The following EDIL3 variants were observed in gnomAD, a reference collection of about 807,000 sequenced individuals.
EDIL3 encodes EGF like and discoidin domains 3.
Under a neutral mutation model 67.4 loss-of-function variants are expected in EDIL3, and 37 were observed. The ratio of observed to expected loss-of-function variants is 0.55; its 90% CI spans 0.42 to 0.72. The LOEUF (loss-of-function observed/expected upper bound fraction) is 0.72. Among genes scored for constraint, EDIL3 ranks in the 30% least tolerant of loss-of-function variants. The pLI, the probability that EDIL3 is intolerant of heterozygous loss-of-function variation, is 0.00. For missense variants in EDIL3, 527 were observed against 586.3 expected (o/e 0.90, Z 1.04); for synonymous variants, 195 against 196.3 (o/e 0.99, Z 0.05).
intron 6 of EDIL3, among the ~76,000 whole-genome samples, chr5:84,099,729 TG>T (rs1373176092): frequency 1.3e-5 from 2 of 151,812 alleles, no homozygotes; most frequent in Non-Finnish European, 2.9e-5. Context: ...AATTGACAAA[TG>T]GGATCTAATT....
chr5:84,358,592 CTTTTTTT>C (rs756013675), intron 1 of EDIL3, among the ~76,000 whole-genome samples: 3 of 94,566 alleles, frequency 3.2e-5, no homozygotes, highest in Admixed American at 1.1e-4. Flanking sequence ...CATTTTTATC[CTTTTTTT>C]TTTTTTTTTT....
intron 9 of EDIL3, among the ~76,000 whole-genome samples, chr5:84,037,988 G>GTTTTTTTTTTTTTTTTTTTTTTTTTTT (rs67762520): frequency 1.2e-4 from 12 of 99,740 alleles, no homozygotes; most frequent in Non-Finnish European, 1.5e-4. Flanking sequence ...TTTCTTTCTT[G>GTTTTTTTTTTTTTTTTTTTTTTTTTTT]TTTTTTTTTT....
Position 83,961,065 on chromosome 5 carries a change from A to T in EDIL3, c.1293+2140T>A, listed in dbSNP as rs369822653. Among the ~76,000 whole-genome samples the T allele has an allele frequency of 2.0e-4, 30 of 151,214 alleles. No homozygotes were observed. In the South Asian group the frequency reaches 5.6e-3, roughly 28 times the overall value. On this transcript the variant is annotated intron_variant, in intron 10 of 10. Transcript: ENST00000296591. ...GTAGCATTCATAAAAAGAAAGCTGG[A>T]GTTAATCGATATCTATTAATATCAC...
intron 6 of EDIL3, among the ~76,000 whole-genome samples, chr5:84,067,383 G>T (rs896909598): frequency 2.6e-5 from 4 of 151,996 alleles, no homozygotes; most frequent in Non-Finnish European, 5.9e-5. Context: ...TAAATCAAAT[G>T]CTACAATGTA....
chr5:84,253,584 C>T (rs1176245341), intron 2 of EDIL3, among the ~76,000 whole-genome samples: 1 of 152,024 alleles, frequency 6.6e-6, no homozygotes, highest in African/African-American at 2.4e-5. Flanking sequence ...TTTTAGAAAA[C>T]TTTGAAGAGC....
At chr5:84,210,293 T>C (rs909603250) in intron 3 of EDIL3, among the ~76,000 whole-genome samples, 2 of 152,106 alleles carry the variant, frequency 1.3e-5, no homozygotes, top group African/African-American at 2.4e-5. Flanking sequence ...AAGGTTTAAT[T>C]TTACGTTTTG....
chr5:84,226,984 T>C (rs1181135487), intron 3 of EDIL3, among the ~76,000 whole-genome samples: 2 of 151,964 alleles, frequency 1.3e-5, no homozygotes, highest in Non-Finnish European at 2.9e-5. Flanking sequence ...AAATATAGCA[T>C]ACACTGGGTT....
At chr5:84,291,283 C>T (rs1184014856) in intron 1 of EDIL3, among the ~76,000 whole-genome samples, 1 of 152,100 alleles carries the variant, frequency 6.6e-6, no homozygotes, top group Admixed American at 6.6e-5. Flanking sequence ...GATATTAGGA[C>T]ATTTAATTTT....
chr5:84,055,624 C>G (rs546784118), intron 9 of EDIL3, among the ~76,000 whole-genome samples: 2 of 152,010 alleles, frequency 1.3e-5, no homozygotes, highest in Non-Finnish European at 2.9e-5. Context: ...AAAAAACAAA[C>G]AACCCCATCA....
chr5:84,196,227 T>C (rs1743700930), intron 3 of EDIL3, among the ~76,000 whole-genome samples: 1 of 152,006 alleles, frequency 6.6e-6, no homozygotes, highest in African/African-American at 2.4e-5. Context: ...TCCACAGTCC[T>C]TGTTGCTATG....
chr5:84,361,409 T>C (rs1286518553), intron 1 of EDIL3, among the ~76,000 whole-genome samples: 1 of 152,028 alleles, frequency 6.6e-6, no homozygotes, highest in East Asian at 1.9e-4. Flanking sequence ...CTATCAATAT[T>C]TTTATAAATA....
At chr5:84,255,744 T>G (rs1745111255) in intron 1 of EDIL3, among the ~76,000 whole-genome samples, 1 of 152,160 alleles carries the variant, frequency 6.6e-6, no homozygotes, top group Non-Finnish European at 1.5e-5. Flanking sequence ...ACCAAGTCAT[T>G]AGCCACACTA....
At chr5:84,117,251 C>T (rs369450896) in intron 5 of EDIL3, among the ~76,000 whole-genome samples, 25 of 151,784 alleles carry the variant, frequency 1.6e-4, no homozygotes, top group Non-Finnish European at 2.9e-4. Context: ...AGGATGGTCT[C>T]GATCTCCTGA....
intron 6 of EDIL3, among the ~76,000 whole-genome samples, chr5:84,068,750 A>C (rs1334915236): frequency 6.6e-6 from 1 of 152,174 alleles, no homozygotes; most frequent in African/African-American, 2.4e-5. Context: ...TTTAGTAATT[A>C]CAGGTTTTAA....
chr5:84,050,585 G>A (rs1373932728), intron 9 of EDIL3, among the ~76,000 whole-genome samples: 3 of 152,186 alleles, frequency 2.0e-5, no homozygotes, highest in Non-Finnish European at 4.4e-5. Flanking sequence ...TGTGACAGAC[G>A]GCACCTGGAA....
intron 4 of EDIL3, among the ~76,000 whole-genome samples, chr5:84,137,721 TC>T (rs903735911): frequency 9.1e-4 from 139 of 152,234 alleles, no homozygotes; most frequent in African/African-American, 3.1e-3. Flanking sequence ...TCGAGAAACC[TC>T]CCCTGCAGCA....
At chr5:84,233,735 GA>G (rs1024360739) in intron 2 of EDIL3, among the ~76,000 whole-genome samples, 2 of 151,552 alleles carry the variant, frequency 1.3e-5, no homozygotes, top group East Asian at 3.9e-4. Flanking sequence ...GAGGCTCTTG[GA>G]AAAAAAAGGC....
intron 1 of EDIL3, among the ~76,000 whole-genome samples, chr5:84,314,512 G>A (rs1746470344): frequency 6.6e-6 from 1 of 152,104 alleles, no homozygotes; most frequent in African/African-American, 2.4e-5. Flanking sequence ...TATTAATATA[G>A]ATGTACAGAA....
chr5:84,256,401 C>G (rs1745124964), intron 1 of EDIL3, among the ~76,000 whole-genome samples: 1 of 152,148 alleles, frequency 6.6e-6, no homozygotes, highest in Non-Finnish European at 1.5e-5. Context: ...ATGATCCAAA[C>G]TGTGGGACCA....
Sources: allele counts gnomAD v4.1 joint callset (sites outside exome capture counted in the v4.1 genomes callset), GRCh38; gene constraint gnomAD v4.1.1; transcripts MANE v1.5; gene names NCBI Gene and HGNC (gene_info 2026-07-23, HGNC 2026-07-21).